Variants in ACOT12 observed in about 807,000 individuals in gnomAD.
ACOT12 encodes the protein acyl-CoA thioesterase 12, also known as acetyl-coenzyme A thioesterase.
In ACOT12, 51 loss-of-function variants were observed where a neutral mutation model predicts 67.7. The observed-to-expected ratio is 0.75, with a 90% CI of 0.60 to 0.95. The LOEUF is 0.95. Among genes scored for constraint, ACOT12 ranks in the 40% least tolerant of loss-of-function variants. The pLI is 0.00. For missense variants in ACOT12, 734 were observed against 708.1 expected, an observed-to-expected ratio of 1.04 and a Z score of -0.41; for synonymous variants, 251 against 244.6, an observed-to-expected ratio of 1.03 and a Z score of -0.24.
chr5:81,316,794 C>G, the ACOT12 span, among the ~76,000 whole-genome samples: 1 of 152,078 alleles, frequency 6.6e-6, no homozygotes, highest in South Asian at 2.1e-4. Flanking sequence ...GATTTGCATC[C>G]CCTAATGACT....
At chr5:81,308,911 A>T in the ACOT12 span, 1 of 1,566,806 alleles carries the variant, frequency 6.4e-7, no homozygotes, top group Non-Finnish European at 8.7e-7. Flanking sequence ...TGCCATATGT[A>T]TTGTCAACTG....
chr5:81,350,911 G>C (rs1759533393), intron 5 of ACOT12, among the ~76,000 whole-genome samples: 1 of 152,198 alleles, frequency 6.6e-6, no homozygotes, highest in Admixed American at 6.5e-5. Flanking sequence ...ATGGACGCCT[G>C]GTTTTGTCTC....
chr5:81,344,239 T>C (rs759403843), intron 8 of ACOT12, 24 bp from the exon 9 acceptor site: 2 of 1,602,498 alleles, frequency 1.2e-6, no homozygotes, highest in Non-Finnish European at 1.7e-6. Flanking sequence ...CAAAGTAAAA[T>C]CAATAAAATA....
chr5:81,312,749 A>G, the ACOT12 span: 1 of 948,374 alleles, frequency 1.1e-6, no homozygotes, highest in Non-Finnish European at 1.7e-6. Flanking sequence ...GCTCCCCTGT[A>G]GCCAGGACTA....
At chr5:81,353,788 T>C (rs933035891) in intron 5 of ACOT12, among the ~76,000 whole-genome samples, 5 of 152,350 alleles carry the variant, frequency 3.3e-5, no homozygotes, top group Admixed American at 2.0e-4. Flanking sequence ...GTTCTAATAA[T>C]ATGCATTTCC....
At chr5:81,372,019 G>C (rs1193693664) in intron 2 of ACOT12, among the ~76,000 whole-genome samples, 1 of 152,174 alleles carries the variant, frequency 6.6e-6, no homozygotes, top group Non-Finnish European at 1.5e-5. Context: ...TATGGTGTTA[G>C]CGGACCACCA....
chr5:81,341,141 T>C lies in ACOT12; in HGVS notation c.1128+1531A>G, dbSNP rs114810938. ...TGCCAGCAATGATGAAAGAAGTAAG[T>C]TTTATAATAGTAAAAGAAAACAAAG... On this transcript the variant is annotated intron_variant, in intron 11 of 14. Coordinates refer to ENST00000307624, the MANE Select transcript of ACOT12 (RefSeq NM_130767.3). Among the ~76,000 whole-genome samples, 904 of 152,332 alleles carry C rather than the reference T, an allele frequency of 5.9e-3. 11 individuals are homozygous for C. Among genetic ancestry groups the C allele is most frequent in the African/African-American group, 0.021 (874 of 41,566 alleles).
chr5:81,315,631 T>C, the ACOT12 span, among the ~76,000 whole-genome samples: 2 of 152,144 alleles, frequency 1.3e-5, no homozygotes, highest in African/African-American at 4.8e-5. Context: ...AGCTCTTAGA[T>C]TGGATAATCA....
chr5:81,384,258 G>A (rs1383274871), intron 2 of ACOT12, among the ~76,000 whole-genome samples: 1 of 151,374 alleles, frequency 6.6e-6, no homozygotes, highest in African/African-American at 2.4e-5. Flanking sequence ...CTGAGTAACT[G>A]GGATTACAAG....
chr5:81,389,953 G>GTTT (rs1760820897), intron 1 of ACOT12, among the ~76,000 whole-genome samples: 1 of 143,116 alleles, frequency 7.0e-6, no homozygotes, highest in Admixed American at 7.0e-5. Context: ...TTTTATTTAT[G>GTTT]TATTTTTTTT....
chr5:81,363,930 T>C (rs754124620), intron 3 of ACOT12, 41 bp from the exon 4 acceptor site: 1 of 1,389,146 alleles, frequency 7.2e-7, no homozygotes, highest in South Asian at 1.7e-5. Flanking sequence ...TCTTGGCCAG[T>C]TCAGATTTCA....
chr5:81,389,500 G>A (rs1376440215), intron 1 of ACOT12, among the ~76,000 whole-genome samples: 1 of 152,028 alleles, frequency 6.6e-6, no homozygotes, highest in East Asian at 1.9e-4. Flanking sequence ...GATATGCCTG[G>A]ATGTATTCTT....
downstream of ACOT12, among the ~76,000 whole-genome samples, chr5:81,327,320 T>C (rs1758699739): frequency 6.6e-6 from 1 of 152,122 alleles, no homozygotes. Context: ...GGGTAAACTA[T>C]ATTCTGATTC....
intron 2 of ACOT12, among the ~76,000 whole-genome samples, chr5:81,378,970 C>T (rs967700671): frequency 1.3e-5 from 2 of 152,096 alleles, no homozygotes; most frequent in Admixed American, 6.5e-5. Flanking sequence ...CCCAGCAATC[C>T]CATTACTGGT....
intron 5 of ACOT12, among the ~76,000 whole-genome samples, chr5:81,348,576 CT>C (rs201834074): frequency 9.2e-5 from 14 of 151,450 alleles, no homozygotes; most frequent in African/African-American, 1.7e-4. Flanking sequence ...TCTGCTCTCT[CT>C]TTTTTTTTAG....
intron 3 of ACOT12, among the ~76,000 whole-genome samples, chr5:81,365,884 A>T (rs1231911992): frequency 6.6e-6 from 1 of 152,222 alleles, no homozygotes; most frequent in East Asian, 1.9e-4. Context: ...GAAACTAAAA[A>T]AAAAGAGAAA....
chr5:81,370,892 T>C (rs922271277), intron 3 of ACOT12, among the ~76,000 whole-genome samples: 3 of 152,160 alleles, frequency 2.0e-5, no homozygotes, highest in African/African-American at 7.2e-5. Flanking sequence ...AGCAACTCCT[T>C]TCCTGCTAAT....
intron 3 of ACOT12, 61 bp downstream of exon 3, chr5:81,371,689 C>G (rs753335756): frequency 2.8e-5 from 43 of 1,517,648 alleles, no homozygotes; most frequent in Middle Eastern, 3.4e-4. Context: ...CCTGCTCTAC[C>G]CTTTGTAAAC....
At chr5:81,328,322 A>T (rs985410649), downstream of ACOT12, among the ~76,000 whole-genome samples, 8 of 152,162 alleles carry the variant, frequency 5.3e-5, no homozygotes, top group African/African-American at 1.9e-4. Flanking sequence ...ATTCTATATT[A>T]ATTTTATTTA....
Sources: allele counts gnomAD v4.1 joint callset (sites outside exome capture counted in the v4.1 genomes callset), GRCh38; gene constraint gnomAD v4.1.1; transcripts MANE v1.5; gene names NCBI Gene and HGNC (gene_info 2026-07-23, HGNC 2026-07-21).